The following ATG10 variants were observed in gnomAD, a reference collection of about 807,000 sequenced individuals.
The protein encoded by ATG10 is ubiquitin-like-conjugating enzyme ATG10.
Under a neutral mutation model 32.1 loss-of-function variants are expected in ATG10, and 30 were observed. The ratio of observed to expected loss-of-function variants is 0.94; its 90% CI spans 0.70 to 1.27. The LOEUF is 1.27. Among genes scored for constraint, ATG10 ranks in the 50% most tolerant of loss-of-function variants. The probability of loss-of-function intolerance (pLI) is 0.00; values close to 1 mark genes in which losing one functional copy is unlikely to be tolerated. For synonymous variants in ATG10, 87 were observed against 91.5 expected, an observed-to-expected ratio of 0.95 and a Z score of 0.28; for missense variants, 233 against 262.3, an observed-to-expected ratio of 0.89 and a Z score of 0.77.
intron 3 of ATG10, among the ~76,000 whole-genome samples, chr5:82,162,533 C>T (rs1273010014): frequency 4.6e-5 from 7 of 152,002 alleles, no homozygotes; most frequent in African/African-American, 9.7e-5. Flanking sequence ...ACAGTGATTC[C>T]ACCCTTAGGA....
intron 3 of ATG10, among the ~76,000 whole-genome samples, chr5:82,140,691 C>T (rs1403137356): frequency 7.3e-5 from 3 of 40,962 alleles, no homozygotes; most frequent in Non-Finnish European, 1.0e-4. Flanking sequence ...TGAGGAGCCC[C>T]TCTGCCCGGC....
chr5:82,095,880 GT>G (rs1765040461), intron 3 of ATG10, among the ~76,000 whole-genome samples: 1 of 152,152 alleles, frequency 6.6e-6, no homozygotes, highest in Non-Finnish European at 1.5e-5. Flanking sequence ...AAAACAAGTT[GT>G]TATTAGTAGG....
At chr5:82,057,010 A>G (rs895312303) in intron 2 of ATG10, among the ~76,000 whole-genome samples, 1 of 152,198 alleles carries the variant, frequency 6.6e-6, no homozygotes, top group African/African-American at 2.4e-5. Flanking sequence ...CATCTACAAA[A>G]TGGATATCCT....
chr5:81,984,985 G>A (rs1383877078), intron 1 of ATG10, among the ~76,000 whole-genome samples: 3 of 152,188 alleles, frequency 2.0e-5, no homozygotes, highest in African/African-American at 7.2e-5. Context: ...GCAAAGCCTA[G>A]TCCTTAGATA....
At chr5:82,083,511 T>A (rs1484872545) in intron 3 of ATG10, among the ~76,000 whole-genome samples, 1 of 152,214 alleles carries the variant, frequency 6.6e-6, no homozygotes, top group African/African-American at 2.4e-5. Flanking sequence ...GTTTGAGATC[T>A]GAGAACGGAC....
intron 3 of ATG10, among the ~76,000 whole-genome samples, chr5:82,151,953 G>A (rs1380386628): frequency 6.6e-6 from 1 of 152,096 alleles, no homozygotes; most frequent in African/African-American, 2.4e-5. Context: ...ATCTGTTGCA[G>A]CCATTAAAAT....
intron 1 of ATG10, among the ~76,000 whole-genome samples, chr5:81,984,798 T>C (rs1176274968): frequency 6.6e-6 from 1 of 152,252 alleles, no homozygotes; most frequent in Non-Finnish European, 1.5e-5. Context: ...GAATTATATT[T>C]ACATTTTTGA....
intron 3 of ATG10, among the ~76,000 whole-genome samples, chr5:82,139,952 C>G (rs1380315281): frequency 7.4e-6 from 1 of 134,668 alleles, no homozygotes; most frequent in African/African-American, 2.8e-5. Context: ...GGGGTCAGCC[C>G]TCCGCCCGGC....
In ATG10 at chr5:82,031,340, T is replaced by TA. The variant is rs146382883; in HGVS notation, c.109-27146dup. Among the ~76,000 whole-genome samples the TA allele has an allele frequency of 2.2e-4, 34 of 151,482 alleles. No individual in the cohort carries two copies. The Middle Eastern group carries it at 0.01, about 46-fold the overall frequency. On this transcript the variant is annotated intron_variant, in intron 2 of 7. Coordinates refer to ENST00000282185, the MANE Select transcript of ATG10 (RefSeq NM_031482.5). ...GGAGCAAATTTATCAAGGTTAATTA[T>TA]AAAAAAAAATGTGTTGCTAGTGTAT...
intron 3 of ATG10, among the ~76,000 whole-genome samples, chr5:82,103,206 A>G (rs1019786651): frequency 2.0e-5 from 3 of 152,216 alleles, no homozygotes; most frequent in Admixed American, 2.0e-4. Context: ...ATGACAAATT[A>G]AATTTAATAA....
intron 3 of ATG10, among the ~76,000 whole-genome samples, chr5:82,086,628 C>A (rs1459154208): frequency 6.6e-6 from 1 of 152,110 alleles, no homozygotes; most frequent in Non-Finnish European, 1.5e-5. Context: ...ACCAACATGG[C>A]AGCTGAAGGG....
At chr5:82,138,193 A>G (rs915732488) in intron 3 of ATG10, among the ~76,000 whole-genome samples, 13 of 152,120 alleles carry the variant, frequency 8.5e-5, no homozygotes, top group African/African-American at 3.1e-4. Context: ...GAGCTAAACC[A>G]CTTGGCTCCC....
chr5:82,125,096 A>G (rs532345018), intron 3 of ATG10, among the ~76,000 whole-genome samples: 1 of 152,290 alleles, frequency 6.6e-6, no homozygotes, highest in East Asian at 1.9e-4. Flanking sequence ...TTCTTTTGAG[A>G]AGTGTCTGTT....
intron 2 of ATG10, among the ~76,000 whole-genome samples, chr5:82,032,538 A>G (rs75963434): frequency 0.011 from 1,683 of 152,196 alleles, 17 homozygotes; most frequent in Middle Eastern, 0.031. Flanking sequence ...TAAGGAAAGC[A>G]CATATGCTTT....
intron 3 of ATG10, among the ~76,000 whole-genome samples, chr5:82,089,440 C>G (rs1207105171): frequency 6.6e-6 from 1 of 151,936 alleles, no homozygotes; most frequent in Non-Finnish European, 1.5e-5. Flanking sequence ...TAAATGTGTC[C>G]AAATGATTTT....
intron 4 of ATG10, among the ~76,000 whole-genome samples, chr5:82,166,988 A>C (rs1339689175): frequency 6.6e-6 from 1 of 152,196 alleles, no homozygotes. Flanking sequence ...AGTAATAAAT[A>C]GTTTCCATTT....
intron 3 of ATG10, among the ~76,000 whole-genome samples, chr5:82,161,723 A>ACACACACACACT (rs1743355613): frequency 6.6e-6 from 1 of 151,826 alleles, no homozygotes; most frequent in African/African-American, 2.4e-5. Flanking sequence ...ACACACACAC[A>ACACACACACACT]CACACACACA....
intron 3 of ATG10, among the ~76,000 whole-genome samples, chr5:82,128,907 C>G (rs1175696821): frequency 1.3e-5 from 2 of 151,628 alleles, no homozygotes; most frequent in Non-Finnish European, 2.9e-5. Context: ...TTTGGCCTGT[C>G]TTGCTAGGTT....
intron 5 of ATG10, among the ~76,000 whole-genome samples, chr5:82,187,255 A>C (rs1470046141): frequency 6.6e-6 from 1 of 152,114 alleles, no homozygotes; most frequent in African/African-American, 2.4e-5. Context: ...CTGTAATTGT[A>C]ATCCCAGCAC....
Sources: gnomAD v4.1 joint callset for allele counts (sites outside exome capture counted in the v4.1 genomes callset) on GRCh38, gnomAD v4.1.1 for gene constraint, MANE v1.5 for transcripts, NCBI Gene and HGNC (gene_info 2026-07-23, HGNC 2026-07-21) for gene names.